Variants in AMDHD2 observed in about 807,000 individuals in gnomAD.
AMDHD2 encodes N-acetylglucosamine-6-phosphate deacetylase.
In AMDHD2, 24 loss-of-function variants were observed where a neutral mutation model predicts 41.8. The observed-to-expected ratio is 0.57, with a 90% CI of 0.42 to 0.81. The LOEUF (loss-of-function observed/expected upper bound fraction) is 0.81. Ranked by LOEUF, AMDHD2 falls within the 30% of genes least tolerant of loss-of-function variation. AMDHD2 has a pLI of 0.00. For synonymous variants in AMDHD2, 332 were observed against 255.5 expected (o/e 1.30, Z -2.85); for missense variants, 540 against 588.5 (o/e 0.92, Z 0.85).
intron 9 of AMDHD2, 136 bp downstream of exon 9, chr16:2,528,854 C>T: frequency 6.6e-7 from 1 of 1,516,522 alleles, no homozygotes; most frequent in Non-Finnish European, 8.9e-7. Flanking sequence ...GTGACTCAGG[C>T]CCAGGGTGAC....
At position 2,527,758 on chromosome 16, in the gene AMDHD2, G is replaced by C; in HGVS notation, c.416-15G>C. 6.4e-7 allele frequency: 1 copy of C among 1,562,412 alleles called. No individual in the cohort carries two copies. The highest frequency in any genetic ancestry group is 8.6e-7 in the Non-Finnish European group (1 of 1,157,806). On this transcript the variant is annotated splice_polypyrimidine_tract_variant and intron_variant, in intron 4 of 10. Coordinates refer to ENST00000293971, the MANE Select transcript of AMDHD2 (RefSeq NM_001330449.2). The surrounding 1 kb of genome is among the most constrained non-coding windows in gnomAD (Gnocchi z 6.1). ...GGGCAGGGACCTGCTGGAGCCACTT[G>C]CTCCCTCCTCCCAGGGCTGCACCTG... is the stretch of plus-strand genomic sequence containing the variant.
In AMDHD2 at chr16:2,530,922, T is replaced by A; in HGVS notation, c.*1359T>A. ...GGCCGCGCACCCCTTAGGAAGTGGCTGTCCAGCGCCTGCCTGTGCTGGGCC... is the reference window on the plus strand; with the variant it reads ...GGCCGCGCACCCCTTAGGAAGTGGCAGTCCAGCGCCTGCCTGTGCTGGGCC... On this transcript the variant is annotated 3_prime_UTR_variant, in exon 11 of 11. Coordinates refer to ENST00000293971, the MANE Select transcript of AMDHD2 (RefSeq NM_001330449.2). The A allele has an allele frequency of 6.2e-7, 1 of 1,613,390 alleles. No individual in the cohort carries two copies. The highest frequency in any genetic ancestry group is 1.3e-5 in the African/African-American group (1 of 75,034).
chr16:2,529,942 C>CA lies in AMDHD2; in HGVS notation c.*380dup. On this transcript the variant is annotated 3_prime_UTR_variant, in exon 11 of 11. Transcript: ENST00000293971. ...TGTCACTATGGGAGGGAGGGGCAGG[C>CA]AGTCAGTGGCTGGTGCCATGGGGTG... 1.2e-6 allele frequency: 1 copy of CA among 856,514 alleles called. No individual in the cohort carries two copies. The highest frequency in any genetic ancestry group is 1.7e-6 in the Non-Finnish European group (1 of 586,298). The allele number at this position is 856,514 out of a possible 1,614,324, so 53.1% of individuals were successfully genotyped here.
chr16:2,525,089 C>G (rs867736737), intron 3 of AMDHD2, among the ~76,000 whole-genome samples: 2 of 151,898 alleles, frequency 1.3e-5, no homozygotes, highest in African/African-American at 4.8e-5. Flanking sequence ...TGGAGTCTCC[C>G]TCTGTCACCC....
chr16:2,529,721 A>G lies in AMDHD2; in HGVS notation c.*158A>G. The G allele has an allele frequency of 6.9e-7, 1 of 1,456,240 alleles. No homozygotes were observed. The highest frequency in any genetic ancestry group is 9.0e-7 in the Non-Finnish European group (1 of 1,105,104). The allele number at this position is 1,456,240 out of a possible 1,614,324, so 90.2% of individuals were successfully genotyped here. A position where few individuals can be genotyped will look rare whatever the true frequency, so the allele number is the denominator to read the frequency against. ...GAGGCGGTGGCTGGGATAAACGTGC[A>G]CCCAGCAGGACTCGCCTTGGCTCCG... On this transcript the variant is annotated 3_prime_UTR_variant, in exon 11 of 11. Coordinates refer to ENST00000293971, the MANE Select transcript of AMDHD2 (RefSeq NM_001330449.2).
intron 3 of AMDHD2, among the ~76,000 whole-genome samples, chr16:2,526,717 G>C (rs914403702): frequency 2.5e-4 from 38 of 150,006 alleles, no homozygotes; most frequent in Admixed American, 6.6e-5. Context: ...GTGGGTGTTT[G>C]GTCAGGAGTT....
chr16:2,528,390 G>A lies in AMDHD2; in HGVS notation c.862+10G>A, dbSNP rs1475712013. On this transcript the variant is annotated intron_variant, in intron 7 of 10. Transcript: ENST00000293971. ...CGTGCCCATCCCCAGGGTAAGCTGC[G>A]GCAGGTGGCCAGGACAGGTAGGATG... The A allele has an allele frequency of 1.9e-5, 30 of 1,612,766 alleles. No homozygotes were observed. Among genetic ancestry groups the A allele is most frequent in the Admixed American group, 8.3e-5 (5 of 59,990 alleles).
chr16:2,520,406 G>T lies in AMDHD2; in HGVS notation c.-53G>T. ...TCGGCTGGGGTTCGTCACTGGGCGC[G>T]GGATTTGGCCGCCGCGGGGCTCCGG... On this transcript the variant is annotated 5_prime_UTR_variant, in exon 1 of 11. Transcript: ENST00000293971. The T allele has an allele frequency of 8.2e-7, 1 of 1,214,278 alleles. No individual in the cohort carries two copies. The highest frequency in any genetic ancestry group is 4.1e-5 in the South Asian group (1 of 24,268). The allele number at this position is 1,214,278 out of a possible 1,614,324, so 75.2% of individuals were successfully genotyped here. A position where few individuals can be genotyped will look rare whatever the true frequency, so the allele number is the denominator to read the frequency against.
Position 2,520,771 on chromosome 16 carries a change from A to G in AMDHD2, c.86A>G (p.Glu29Gly). ...GCGCCCACCCACTGCGTCCCCAGGGAGGATCTGTGGGTGCGCGGAGGCCGC... is the reference window on the plus strand; with the variant it reads ...GCGCCCACCCACTGCGTCCCCAGGGGGGATCTGTGGGTGCGCGGAGGCCGC... ...RILRGGKLLR[E>G]DLWVRGGRIL... Residue 29 changes from glutamate (E) to glycine (G), a missense_variant and splice_region_variant, in exon 2 of 11, where the codon GAG becomes GGG. Transcript: ENST00000293971. The G allele has an allele frequency of 6.3e-7, 1 of 1,592,676 alleles. No homozygotes were observed.
At chr16:2,523,447 G>A (rs1376785317) in intron 3 of AMDHD2, among the ~76,000 whole-genome samples, 4 of 152,114 alleles carry the variant, frequency 2.6e-5, no homozygotes, top group African/African-American at 7.2e-5. Context: ...GTCATGTATC[G>A]GCTGGAAGAC....
At chr16:2,525,278 G>T (rs1216455076) in intron 3 of AMDHD2, among the ~76,000 whole-genome samples, 1 of 151,330 alleles carries the variant, frequency 6.6e-6, no homozygotes, top group Non-Finnish European at 1.5e-5. Flanking sequence ...GGCTGGTCTC[G>T]AACTCCTGAC....
rs1236373321 is a variant in AMDHD2, at chr16:2,528,372, A to C, written c.854A>C (p.His285Pro). 6.2e-7 allele frequency: 1 copy of C among 1,612,812 alleles called. No homozygotes were observed. Among genetic ancestry groups the C allele is most frequent in the Non-Finnish European group, 8.5e-7 (1 of 1,179,930 alleles). ...GCCCTGCGGATCGCCCACCGTGCCCATCCCCAGGGTAAGCTGCGGCAGGTG... is the reference window on the plus strand; with the variant it reads ...GCCCTGCGGATCGCCCACCGTGCCCCTCCCCAGGGTAAGCTGCGGCAGGTG... ...PAALRIAHRA[H>P]PQGLVLVTDA... The change falls in exon 7 of 11, where the codon CAT (histidine) becomes CCT (proline). Residue 285 changes from histidine (H) to proline (P), a missense_variant. By Grantham distance (77) the His-to-Pro change is moderately conservative. Transcript: ENST00000293971.
chr16:2,527,509 C>G lies in AMDHD2; in HGVS notation c.361-52C>G. 6.3e-7 allele frequency: 1 copy of G among 1,582,442 alleles called. No individual in the cohort carries two copies. ...ATCTCTGGCCTTGGCTAGGCTGTGG[C>G]CTCTGGGAATGGGCTGTGGGGGACA... On this transcript the variant is annotated intron_variant, in intron 3 of 10. Coordinates refer to ENST00000293971, the MANE Select transcript of AMDHD2 (RefSeq NM_001330449.2). The surrounding 1 kb of genome is among the most constrained non-coding windows in gnomAD (Gnocchi z 6.1).
chr16:2,529,266 G>T lies in AMDHD2; in HGVS notation c.1141+171G>T, dbSNP rs1348493666. The T allele has an allele frequency of 7.6e-6, 8 of 1,056,624 alleles. No homozygotes were observed. In the East Asian group the frequency reaches 2.1e-4, roughly 28 times the overall value. 65.5% of individuals were successfully genotyped at this position (1,056,624 alleles called of 1,614,324 possible). A position where few individuals can be genotyped will look rare whatever the true frequency, so the allele number is the denominator to read the frequency against. ...TAGCCCCGTGTTGCCATCAGGCCGG[G>T]CTTTCTGGTGTTGCAGACAAGGCCA... On this transcript the variant is annotated intron_variant, in intron 10 of 10. Coordinates refer to ENST00000293971, the MANE Select transcript of AMDHD2 (RefSeq NM_001330449.2).
rs756298910 is a variant in AMDHD2 at position 2,529,586 on chromosome 16, AC to A, written c.*25del. On this transcript the variant is annotated 3_prime_UTR_variant, in exon 11 of 11. Transcript: ENST00000293971. ...TGACAAGGACCTCGGCTGAGAGGAC[AC>A]CTGGCCGCAGCGGGATGCCATCAGG... 126 of 1,604,432 alleles carry A rather than the reference AC, an allele frequency of 7.9e-5. 1 individual carries two copies. The South Asian group carries it at 1.3e-3, about 17-fold the overall frequency.
At chr16:2,529,400 GT>G in intron 10 of AMDHD2, 74 bp from the exon 11 acceptor site, 1 of 1,591,732 alleles carries the variant, frequency 6.3e-7, no homozygotes, top group Non-Finnish European at 8.5e-7. Flanking sequence ...CCAGCGTCGG[GT>G]TGTTGGGGAG....
Position 2,520,514 on chromosome 16 carries a change from G to A in AMDHD2, c.56G>A (p.Arg19Gln). Reference sequence around the variant, plus strand: ...CGCGTGCTCCAGTTCACTAACTGCCGGATCCTGCGCGGAGGGAAACTGCTC... The same window carrying A: ...CGCGTGCTCCAGTTCACTAACTGCCAGATCCTGCGCGGAGGGAAACTGCTC... Reference protein sequence around the residue: ...GARVLQFTNCRILRGGKLLRE... With the variant: ...GARVLQFTNCQILRGGKLLRE... The change falls in exon 1 of 11, where the codon CGG becomes CAG. Residue 19 changes from arginine to glutamine, a missense_variant. By Grantham distance (43) the Arg-to-Gln change is conservative. Transcript: ENST00000293971. 2 of 1,237,402 alleles carry A rather than the reference G, an allele frequency of 1.6e-6. No individual in the cohort carries two copies. The highest frequency in any genetic ancestry group is 2.0e-6 in the Non-Finnish European group (2 of 984,130). The allele number at this position is 1,237,402 out of a possible 1,614,324, so 76.7% of individuals were successfully genotyped here. A position where few individuals can be genotyped will look rare whatever the true frequency, so the allele number is the denominator to read the frequency against.
Position 2,520,806 on chromosome 16 carries a change from C to T in AMDHD2, c.121C>T (p.Pro41Ser), listed in dbSNP as rs1343128756. The change falls in exon 2 of 11, where the codon CCA (proline) becomes TCA (serine). Residue 41 changes from proline (P) to serine (S), a missense_variant. Transcript: ENST00000293971. ...GGTGCGCGGAGGCCGCATCTTGGAC[C>T]CAGAGAAGCTGTTCTTTGAGGAGCG... ...LWVRGGRILD[P>S]EKLFFEERRV... 2 of 1,609,856 alleles carry T rather than the reference C, an allele frequency of 1.2e-6. No homozygotes were observed. Among genetic ancestry groups the T allele is most frequent in the Non-Finnish European group, 1.7e-6 (2 of 1,179,016 alleles).
At chr16:2,525,244 G>T (rs1334615112) in intron 3 of AMDHD2, among the ~76,000 whole-genome samples, 3 of 151,802 alleles carry the variant, frequency 2.0e-5, no homozygotes, top group Non-Finnish European at 4.4e-5. Context: ...TTTTAGTAGA[G>T]ATGGGCTTGC....
Sources: gnomAD v4.1 joint callset for allele counts (sites outside exome capture counted in the v4.1 genomes callset) on GRCh38, gnomAD v4.1.1 for gene constraint, Gnocchi (gnomAD v3.1) non-coding constraint, MANE v1.5 for transcripts, NCBI Gene and HGNC (gene_info 2026-07-23, HGNC 2026-07-21) for gene names.